TMEM272: variants seen among roughly 807,000 people sequenced by gnomAD.
TMEM272 encodes transmembrane protein 272.
TMEM272 carries 8 observed loss-of-function variants against 3.7 expected under a neutral mutation model. The ratio of observed to expected loss-of-function variants is 2.17; its 90% CI spans 1.27 to 3.91. TMEM272 has a LOEUF of 3.91. Ranked by LOEUF, TMEM272 falls within the 30% of genes most tolerant of loss-of-function variation. The probability of loss-of-function intolerance (pLI) is 0.00; values close to 1 mark genes in which losing one functional copy is unlikely to be tolerated. For synonymous variants in TMEM272, 63 were observed against 39.8 expected, an observed-to-expected ratio of 1.58 and a Z score of -2.20; for missense variants, 166 against 91.5, an observed-to-expected ratio of 1.81 and a Z score of -3.32.
the TMEM272 span, among the ~76,000 whole-genome samples, chr13:51,854,964 A>G: frequency 3.9e-5 from 6 of 152,270 alleles, no homozygotes; most frequent in African/African-American, 1.2e-4. Flanking sequence ...TCGTATTTGG[A>G]ACAACATGAG....
the TMEM272 span, among the ~76,000 whole-genome samples, chr13:51,897,951 G>A: frequency 2.8e-5 from 4 of 145,256 alleles, no homozygotes; most frequent in South Asian, 2.2e-4. Context: ...AGGGCTGGGC[G>A]CGGTGGCTCA....
the TMEM272 span, among the ~76,000 whole-genome samples, chr13:51,871,228 T>C: frequency 1.3e-5 from 2 of 150,748 alleles, no homozygotes; most frequent in Non-Finnish European, 3.0e-5. Context: ...TCTCGCTCTG[T>C]TGCCCAGGCT....
At chr13:51,819,817 A>T (rs1337720548) in intron 4 of TMEM272, among the ~76,000 whole-genome samples, 1 of 152,200 alleles carries the variant, frequency 6.6e-6, no homozygotes, top group Non-Finnish European at 1.5e-5. Flanking sequence ...TGGGAAGATG[A>T]GGGGGAGTGC....
chr13:51,865,713 A>G, the TMEM272 span: 1 of 1,614,194 alleles, frequency 6.2e-7, no homozygotes, highest in Non-Finnish European at 8.5e-7. Flanking sequence ...GAAATGGAAA[A>G]GTCTTTCAGG....
At chr13:51,910,818 C>G in the TMEM272 span, among the ~76,000 whole-genome samples, 1 of 152,254 alleles carries the variant, frequency 6.6e-6, no homozygotes, top group Admixed American at 6.5e-5. Context: ...GCTGCCCACC[C>G]CAGCCCCCTT....
chr13:51,914,068 G>T, the TMEM272 span, among the ~76,000 whole-genome samples: 1 of 152,254 alleles, frequency 6.6e-6, no homozygotes, highest in Non-Finnish European at 1.5e-5. Flanking sequence ...GATGTTTGCA[G>T]ATGTCCTTCT....
At chr13:51,869,408 C>G in the TMEM272 span, among the ~76,000 whole-genome samples, 1 of 152,126 alleles carries the variant, frequency 6.6e-6, no homozygotes, top group Non-Finnish European at 1.5e-5. Flanking sequence ...CTAGCTCCAC[C>G]CTTGTCCCTA....
chr13:51,859,554 C>CACACA, the TMEM272 span, among the ~76,000 whole-genome samples: 1 of 125,348 alleles, frequency 8.0e-6, no homozygotes, highest in South Asian at 2.7e-4. Context: ...ACACAGACAC[C>CACACA]CCCTCAGCAA....
At chr13:51,882,573 A>C in the TMEM272 span, among the ~76,000 whole-genome samples, 6 of 152,312 alleles carry the variant, frequency 3.9e-5, no homozygotes, top group African/African-American at 1.2e-4. Flanking sequence ...TTGAAGGGAC[A>C]CAAGGGTGGC....
chr13:51,900,689 C>CA, the TMEM272 span, among the ~76,000 whole-genome samples: 2,696 of 147,704 alleles, frequency 0.018, 68 homozygotes, highest in African/African-American at 0.058. Context: ...TCATAGTAGC[C>CA]AAAAAAAAAT....
the TMEM272 span, among the ~76,000 whole-genome samples, chr13:51,889,056 T>C: frequency 1.3e-5 from 2 of 152,210 alleles, no homozygotes; most frequent in Non-Finnish European, 2.9e-5. Context: ...TGTCCAGGTG[T>C]AACTGTTTGC....
At chr13:51,852,654 C>T in the TMEM272 span, among the ~76,000 whole-genome samples, 3 of 152,086 alleles carry the variant, frequency 2.0e-5, no homozygotes, top group Admixed American at 6.5e-5. Context: ...CCAAGGCGGG[C>T]AGATCATGAG....
the TMEM272 span, among the ~76,000 whole-genome samples, chr13:51,850,359 C>A: frequency 6.6e-6 from 1 of 152,194 alleles, no homozygotes; most frequent in South Asian, 2.1e-4. Context: ...TGAATGCTAT[C>A]CACTTCTTTA....
At chr13:51,837,709 G>C (rs2139582391) in intron 2 of TMEM272, among the ~76,000 whole-genome samples, 1 of 152,346 alleles carries the variant, frequency 6.6e-6, no homozygotes, top group East Asian at 1.9e-4. Context: ...CATGGGAGGA[G>C]AAGTGGGAGG....
At chr13:51,842,964 G>T (rs1396770702) in intron 1 of TMEM272, among the ~76,000 whole-genome samples, 6 of 152,146 alleles carry the variant, frequency 3.9e-5, no homozygotes, top group African/African-American at 7.2e-5. Flanking sequence ...CAACTTTTTG[G>T]ATTTGAGGTA....
the TMEM272 span, among the ~76,000 whole-genome samples, chr13:51,872,226 T>C: frequency 6.6e-6 from 1 of 152,050 alleles, no homozygotes; most frequent in Admixed American, 6.5e-5. Context: ...AAGAAAGATA[T>C]TGCATCACTG....
chr13:51,860,841 A>G, the TMEM272 span, among the ~76,000 whole-genome samples: 125,354 of 140,702 alleles, frequency 0.89, 55,917 homozygotes, highest in East Asian at 0.98. Context: ...GTGTGTGTGT[A>G]TATATATGTA....
At chr13:51,902,134 C>A in the TMEM272 span, among the ~76,000 whole-genome samples, 1 of 152,140 alleles carries the variant, frequency 6.6e-6, no homozygotes, top group Non-Finnish European at 1.5e-5. Flanking sequence ...CAGAAGCCAA[C>A]GTGCATTGGA....
At chr13:51,866,282 A>G in the TMEM272 span, 2 of 543,188 alleles carry the variant, frequency 3.7e-6, no homozygotes, top group African/African-American at 1.9e-5. Context: ...GTGATGATCC[A>G]AGGTCATGTT....
Sources: allele counts gnomAD v4.1 joint callset (sites outside exome capture counted in the v4.1 genomes callset), GRCh38; gene constraint gnomAD v4.1.1; transcripts MANE v1.5; gene names NCBI Gene and HGNC (gene_info 2026-07-23, HGNC 2026-07-21).